Variants in EML1 observed in about 807,000 individuals in gnomAD.
EML1 encodes the protein EMAP like 1.
A neutral mutation model predicts 110.4 loss-of-function variants in EML1; 27 were observed. The observed-to-expected ratio is 0.24, with a 90% CI of 0.18 to 0.34. The LOEUF is 0.34. EML1 is among the 10% of genes least tolerant of loss of function. The pLI is 1.00. For synonymous variants in EML1, 344 were observed against 385.8 expected (o/e 0.89, Z 1.27); for missense variants, 741 against 1,030.9 (o/e 0.72, Z 3.85).
At chr14:99,865,402 C>T in intron 2 of EML1, 112 bp from the exon 3 acceptor site, 16 of 1,375,790 alleles carry the variant, frequency 1.2e-5, no homozygotes, top group Non-Finnish European at 1.6e-5. Flanking sequence ...CACTGCTCAC[C>T]TCCTCCTGCT....
intron 1 of EML1, among the ~76,000 whole-genome samples, 192 bp downstream of exon 1, chr14:99,793,735 TCGCTCCGGGC>T (rs2057714581): frequency 6.8e-6 from 1 of 146,324 alleles, no homozygotes; most frequent in Non-Finnish European, 1.5e-5. Flanking sequence ...GGGCCGCGCC[TCGCTCCGGGC>T]CGCCCCGGGC....
intron 9 of EML1, among the ~76,000 whole-genome samples, chr14:99,904,146 T>C (rs1273588657): frequency 6.6e-6 from 1 of 152,194 alleles, no homozygotes; most frequent in Non-Finnish European, 1.5e-5. Flanking sequence ...TTATTAATCC[T>C]TTACAATTTG....
chr14:99,790,478 C>T (rs1438000642), upstream of EML1, among the ~76,000 whole-genome samples: 1 of 149,042 alleles, frequency 6.7e-6, no homozygotes, highest in African/African-American at 2.4e-5. Context: ...ACTAGGACTA[C>T]AGGCACACAC....
At chr14:99,858,305 C>T (rs1482031922) in intron 2 of EML1, among the ~76,000 whole-genome samples, 1 of 152,086 alleles carries the variant, frequency 6.6e-6, no homozygotes, top group Non-Finnish European at 1.5e-5. Context: ...CTGCCTCAGC[C>T]TCCCGAGTAG....
At chr14:99,764,652 G>C (rs1243450771) in intron 1 of EML1, among the ~76,000 whole-genome samples, 1 of 152,230 alleles carries the variant, frequency 6.6e-6, no homozygotes, top group East Asian at 1.9e-4. Flanking sequence ...TGCAAGGAGA[G>C]AAGGAGGTGG....
chr14:99,846,364 C>T (rs2058708556), intron 1 of EML1, among the ~76,000 whole-genome samples: 1 of 147,984 alleles, frequency 6.8e-6, no homozygotes, highest in Non-Finnish European at 1.5e-5. Context: ...CTTACTGCAA[C>T]CTTCACCTCC....
At chr14:99,767,288 C>T (rs2057377115) in intron 1 of EML1, among the ~76,000 whole-genome samples, 1 of 152,212 alleles carries the variant, frequency 6.6e-6, no homozygotes, top group Admixed American at 6.5e-5. Flanking sequence ...TATTTCTCTC[C>T]AAGCCTCAGT....
intron 1 of EML1, among the ~76,000 whole-genome samples, chr14:99,747,187 C>CAAAAAAAA (rs35376029): frequency 1.0e-5 from 1 of 95,578 alleles, no homozygotes; most frequent in Non-Finnish European, 1.9e-5. Flanking sequence ...GACCCCGTCT[C>CAAAAAAAA]AAAAAAAAAA....
Position 99,936,399 on chromosome 14 carries a change from G to A in EML1, c.2095+65G>A, listed in dbSNP as rs1387568920. 1 of 1,487,662 alleles carries A rather than the reference G, an allele frequency of 6.7e-7. No individual in the cohort carries two copies. Among genetic ancestry groups the A allele is most frequent in the East Asian group, 2.3e-5 (1 of 43,666 alleles). The allele number at this position is 1,487,662 out of a possible 1,614,324, so 92.2% of individuals were successfully genotyped here. A position where few individuals can be genotyped will look rare whatever the true frequency, so the allele number is the denominator to read the frequency against. On this transcript the variant is annotated intron_variant, in intron 19 of 21. Transcript: ENST00000262233. This position sits in a 1 kb window ranked among gnomAD's most constrained non-coding sequence, Gnocchi z 5.5. The stretch of plus-strand genomic sequence containing the variant: ...GAAAGCGTTCACTCTGAGATCCAGG[G>A]GGCCTCTGTGAGAACCCACCTCCTG...
intron 6 of EML1, among the ~76,000 whole-genome samples, chr14:99,895,269 A>G (rs748172122): frequency 1.3e-5 from 2 of 152,098 alleles, no homozygotes; most frequent in East Asian, 1.9e-4. Context: ...GTCTCTCCCT[A>G]TGTTGCCCCA....
rs1434236250 is a variant in EML1 at position 99,939,098 on chromosome 14, G to C, written c.2192-99G>C. 6.6e-7 allele frequency: 1 copy of C among 1,511,812 alleles called. No individual in the cohort carries two copies. Among genetic ancestry groups the C allele is most frequent in the Non-Finnish European group, 8.9e-7 (1 of 1,128,354 alleles). 93.6% of individuals were successfully genotyped at this position (1,511,812 alleles called of 1,614,324 possible). A position where few individuals can be genotyped will look rare whatever the true frequency, so the allele number is the denominator to read the frequency against. ...CCTTGTTTCTAAAGCTGGACTTCAG[G>C]CAGTTTCATGTTCAGGACCGTTCAG... On this transcript the variant is annotated intron_variant, in intron 20 of 21. Coordinates refer to ENST00000262233, the MANE Select transcript of EML1 (RefSeq NM_004434.3). This position sits in a 1 kb window ranked among gnomAD's most constrained non-coding sequence, Gnocchi z 4.2.
chr14:99,867,436 C>T (rs148548848), intron 3 of EML1, among the ~76,000 whole-genome samples: 1 of 152,122 alleles, frequency 6.6e-6, no homozygotes, highest in East Asian at 1.9e-4. Context: ...GAGATTTTAG[C>T]AATATTAAGT....
intron 3 of EML1, among the ~76,000 whole-genome samples, chr14:99,877,231 G>A (rs970376154): frequency 6.6e-6 from 1 of 152,016 alleles, no homozygotes; most frequent in African/African-American, 2.4e-5. Context: ...TCTTCCATAA[G>A]GGCACTAATT....
At chr14:99,884,179 A>G (rs1475237016) in intron 4 of EML1, among the ~76,000 whole-genome samples, 1 of 152,172 alleles carries the variant, frequency 6.6e-6, no homozygotes, top group Non-Finnish European at 1.5e-5. Context: ...TGTGAGTGTC[A>G]TGTCTGCATC....
chr14:99,891,878 A>G (rs2059593466), intron 5 of EML1, among the ~76,000 whole-genome samples: 1 of 152,248 alleles, frequency 6.6e-6, no homozygotes, highest in Admixed American at 6.5e-5. Context: ...ATTAAAACAT[A>G]AAAGTCAAAG....
intron 4 of EML1, among the ~76,000 whole-genome samples, chr14:99,888,361 G>A (rs1464812883): frequency 2.0e-5 from 3 of 152,154 alleles, no homozygotes; most frequent in Non-Finnish European, 2.9e-5. Flanking sequence ...TGTCTCTAGG[G>A]CAAGTTCTGA....
chr14:99,757,324 G>A (rs2057267428), intron 1 of EML1, among the ~76,000 whole-genome samples: 1 of 148,476 alleles, frequency 6.7e-6, no homozygotes, highest in African/African-American at 2.5e-5. Flanking sequence ...GGGCGACAGA[G>A]CACGACTCCA....
At chr14:99,763,162 C>T (rs778671278) in intron 1 of EML1, among the ~76,000 whole-genome samples, 4 of 152,178 alleles carry the variant, frequency 2.6e-5, no homozygotes, top group Non-Finnish European at 1.5e-5. Context: ...CTTGCTCCTC[C>T]TTGCCTTCTG....
intron 1 of EML1, among the ~76,000 whole-genome samples, chr14:99,776,537 AGTGCAGAATCCCTATGAT>A (rs1180800881): frequency 6.6e-6 from 1 of 152,072 alleles, no homozygotes; most frequent in Non-Finnish European, 1.5e-5. Flanking sequence ...GAAATTAATT[AGTGCAGAATCCCTATGAT>A]GTACAGCCGA....
Sources: allele counts gnomAD v4.1 joint callset (sites outside exome capture counted in the v4.1 genomes callset), GRCh38; gene constraint gnomAD v4.1.1; non-coding constraint Gnocchi (gnomAD v3.1); transcripts MANE v1.5; gene names NCBI Gene and HGNC (gene_info 2026-07-23, HGNC 2026-07-21).